Variants in C14orf132 observed in about 807,000 individuals in gnomAD.
The protein encoded by C14orf132 is chromosome 14 open reading frame 132, also known as uncharacterized protein C14orf132.
A neutral mutation model predicts 5.8 loss-of-function variants in C14orf132; 6 were observed. That is an observed-to-expected ratio of 1.03 (90% CI 0.57 to 2.04). The LOEUF (loss-of-function observed/expected upper bound fraction) is 2.04, where lower values mean the gene tolerates loss of function less well. Among genes scored for constraint, C14orf132 ranks in the 30% most tolerant of loss-of-function variants. C14orf132 has a pLI of 0.00. For missense variants in C14orf132, 125 were observed against 115.8 expected, an observed-to-expected ratio of 1.08 and a Z score of -0.37; for synonymous variants, 51 against 49.8, an observed-to-expected ratio of 1.02 and a Z score of -0.10.
At position 96,091,760 on chromosome 14, in the gene C14orf132, C is replaced by T. The variant is rs1888415486; in HGVS notation, c.*5025C>T. On this transcript the variant is annotated 3_prime_UTR_variant, in exon 2 of 2. Transcript: ENST00000555004. ...CTGGCCCACTCCACAGGCCCCTGAC[C>T]ATGGTCACTCACGGAGAGGGATGGA... 1.3e-5 allele frequency: 2 copies of T among 151,706 alleles called. No individual in the cohort carries two copies. The highest frequency in any genetic ancestry group is 2.9e-5 in the Non-Finnish European group (2 of 68,002). 9.4% of individuals were successfully genotyped at this position (151,706 alleles called of 1,614,324 possible).
intron 1 of C14orf132, among the ~76,000 whole-genome samples, chr14:96,042,243 G>A (rs780302806): frequency 7.9e-5 from 12 of 152,222 alleles, no homozygotes; most frequent in Non-Finnish European, 1.5e-4. Context: ...GAAAGCTAGA[G>A]GATGGGGTGC....
At chr14:96,049,912 T>C (rs751061972) in intron 1 of C14orf132, among the ~76,000 whole-genome samples, 5 of 151,950 alleles carry the variant, frequency 3.3e-5, no homozygotes, top group Admixed American at 6.6e-5. Context: ...CTAGATATTA[T>C]AGTTTTCATC....
At position 96,057,194 on chromosome 14, in the gene C14orf132, A is replaced by C. The variant is rs566163930; in HGVS notation, c.27+17667A>C. ...GAAGTGATTAGACCGTGAGGGCTTAACCCCCTCATGAATGGATTAATGCCA... is the reference window on the plus strand; with the variant it reads ...GAAGTGATTAGACCGTGAGGGCTTACCCCCCTCATGAATGGATTAATGCCA... On this transcript the variant is annotated intron_variant, in intron 1 of 1. Transcript: ENST00000555004. 5.7e-3 allele frequency among the ~76,000 whole-genome samples: 862 copies of C among 152,274 alleles called. 9 individuals are homozygous for C. The highest frequency in any genetic ancestry group is 0.02 in the African/African-American group (828 of 41,532).
chr14:96,062,514 C>T (rs543815465), intron 1 of C14orf132, among the ~76,000 whole-genome samples: 2 of 152,302 alleles, frequency 1.3e-5, no homozygotes, highest in South Asian at 2.1e-4. Context: ...TTGCAGCCCT[C>T]CACATGTGTC....
chr14:96,043,835 TG>T (rs1365160669), intron 1 of C14orf132, among the ~76,000 whole-genome samples: 9 of 152,216 alleles, frequency 5.9e-5, no homozygotes, highest in African/African-American at 2.2e-4. Flanking sequence ...CAACTTAAAA[TG>T]TTTGGGCCCA....
intron 1 of C14orf132, among the ~76,000 whole-genome samples, chr14:96,079,455 T>G (rs372228717): frequency 6.6e-6 from 1 of 151,462 alleles, no homozygotes. Flanking sequence ...TCTGTGAAAG[T>G]GCACATGACA....
chr14:96,073,691 C>T (rs1887778278), intron 1 of C14orf132, among the ~76,000 whole-genome samples: 1 of 152,048 alleles, frequency 6.6e-6, no homozygotes, highest in Non-Finnish European at 1.5e-5. Context: ...GGGGCTATAC[C>T]CAAAGGAATA....
chr14:96,042,932 C>T (rs1406611693), intron 1 of C14orf132, among the ~76,000 whole-genome samples: 2 of 152,196 alleles, frequency 1.3e-5, no homozygotes, highest in Admixed American at 1.3e-4. Flanking sequence ...GAGGACAGGG[C>T]CACCTGGATG....
At chr14:96,081,052 A>G (rs995509510) in intron 1 of C14orf132, among the ~76,000 whole-genome samples, 13 of 152,346 alleles carry the variant, frequency 8.5e-5, no homozygotes, top group African/African-American at 3.1e-4. Flanking sequence ...TCCTTATAAG[A>G]AACGACTGCA....
rs538693304 is a variant in C14orf132 at position 96,093,008 on chromosome 14, C to T, written c.*6273C>T. On this transcript the variant is annotated 3_prime_UTR_variant, in exon 2 of 2. Coordinates refer to ENST00000555004, the MANE Select transcript of C14orf132 (RefSeq NM_001252507.3). Reference sequence around the variant, plus strand: ...CCGAGGTCAGGGGACCCTGTGCTGGCCATCCTATCTCTGATTCTGAAACTA... The same window carrying T: ...CCGAGGTCAGGGGACCCTGTGCTGGTCATCCTATCTCTGATTCTGAAACTA... 3.9e-5 allele frequency: 6 copies of T among 152,384 alleles called. No individual in the cohort carries two copies. The highest frequency in any genetic ancestry group is 7.2e-5 in the African/African-American group (3 of 41,572). 9.4% of individuals were successfully genotyped at this position (152,384 alleles called of 1,614,324 possible). A position where few individuals can be genotyped will look rare whatever the true frequency, so the allele number is the denominator to read the frequency against.
At chr14:96,042,005 G>A (rs1488839464) in intron 1 of C14orf132, among the ~76,000 whole-genome samples, 1 of 152,206 alleles carries the variant, frequency 6.6e-6, no homozygotes, top group Admixed American at 6.5e-5. Flanking sequence ...ATTGGATGAG[G>A]ACAAGATGTA....
chr14:96,042,105 G>C (rs528046231), intron 1 of C14orf132, among the ~76,000 whole-genome samples: 1 of 152,362 alleles, frequency 6.6e-6, no homozygotes, highest in South Asian at 2.1e-4. Context: ...TCAGGACTTT[G>C]AGAATGGGGG....
intron 1 of C14orf132, among the ~76,000 whole-genome samples, chr14:96,050,570 A>G (rs1595170144): frequency 2.9e-5 from 4 of 138,876 alleles, no homozygotes. Context: ...CCTCTCTCAA[A>G]CCCCAGGGTT....
intron 1 of C14orf132, among the ~76,000 whole-genome samples, chr14:96,073,498 C>T (rs867978406): frequency 3.3e-5 from 5 of 152,150 alleles, no homozygotes; most frequent in African/African-American, 4.8e-5. Flanking sequence ...CATCTCACGC[C>T]AGTCAGAATG....
intron 1 of C14orf132, chr14:96,051,218 T>C: frequency 2.5e-6 from 1 of 398,656 alleles, no homozygotes; most frequent in South Asian, 1.3e-4. Context: ...TTGGAGTTCT[T>C]CCAGGTATCC....
intron 1 of C14orf132, among the ~76,000 whole-genome samples, chr14:96,085,497 C>G (rs1021794038): frequency 4.6e-5 from 7 of 152,210 alleles, no homozygotes; most frequent in Non-Finnish European, 1.0e-4. Flanking sequence ...CACCCCACCT[C>G]CCACCTGAAG....
Position 96,088,268 on chromosome 14 carries a change from C to A in C14orf132, c.*1533C>A, listed in dbSNP as rs981300853. Reference sequence around the variant, plus strand: ...CAGAAGCGGCACTCTTCCCTGGAAGCCGCCATGTTAATAGGATTACTAGCC... The same window carrying A: ...CAGAAGCGGCACTCTTCCCTGGAAGACGCCATGTTAATAGGATTACTAGCC... On this transcript the variant is annotated 3_prime_UTR_variant, in exon 2 of 2. Coordinates refer to ENST00000555004, the MANE Select transcript of C14orf132 (RefSeq NM_001252507.3). 2 of 152,186 alleles carry A rather than the reference C, an allele frequency of 1.3e-5. No individual in the cohort carries two copies. The highest frequency in any genetic ancestry group is 4.8e-5 in the African/African-American group (2 of 41,452). The allele number at this position is 152,186 out of a possible 1,614,324, so 9.4% of individuals were successfully genotyped here.
rs1035140392 is a variant in C14orf132 at position 96,054,966 on chromosome 14, C to T, written c.27+15439C>T. Among the ~76,000 whole-genome samples, 34 of 152,334 alleles carry T rather than the reference C, an allele frequency of 2.2e-4. 1 individual carries two copies. Among genetic ancestry groups the T allele is most frequent in the East Asian group, 7.7e-4 (4 of 5,182 alleles). Reference sequence around the variant, plus strand: ...TTTCCTAAACACTGCTGTTCAGCCACGTCTCTCCTCCAGGATTTTTACAAC... The same window carrying T: ...TTTCCTAAACACTGCTGTTCAGCCATGTCTCTCCTCCAGGATTTTTACAAC... On this transcript the variant is annotated intron_variant, in intron 1 of 1. Transcript: ENST00000555004.
At chr14:96,058,385 T>TC (rs1215627211) in intron 1 of C14orf132, among the ~76,000 whole-genome samples, 1 of 151,848 alleles carries the variant, frequency 6.6e-6, no homozygotes, top group East Asian at 1.9e-4. Context: ...TCAACTCACC[T>TC]CCCCCTTCTT....
Sources: gnomAD v4.1 joint callset for allele counts (sites outside exome capture counted in the v4.1 genomes callset) on GRCh38, gnomAD v4.1.1 for gene constraint, MANE v1.5 for transcripts, NCBI Gene and HGNC (gene_info 2026-07-23, HGNC 2026-07-21) for gene names.